The following DNER variants were observed in gnomAD, a reference collection of about 807,000 sequenced individuals.
The protein encoded by DNER is delta/notch like EGF repeat containing.
In DNER, 33 loss-of-function variants were observed where a neutral mutation model predicts 78.2. That is an observed-to-expected ratio of 0.42 (90% CI 0.32 to 0.56). The LOEUF is 0.56. Among genes scored for constraint, DNER ranks in the 20% least tolerant of loss-of-function variants. The pLI is 0.11. For missense variants in DNER, 918 were observed against 975.3 expected, an observed-to-expected ratio of 0.94 and a Z score of 0.78; for synonymous variants, 417 against 384.8, an observed-to-expected ratio of 1.08 and a Z score of -0.98.
chr2:229,713,566 C>A (rs1699941777), intron 1 of DNER, among the ~76,000 whole-genome samples: 1 of 152,236 alleles, frequency 6.6e-6, no homozygotes, highest in South Asian at 2.1e-4. Context: ...GAGGGCTGGT[C>A]GCAGGCCGAG....
intron 1 of DNER, among the ~76,000 whole-genome samples, chr2:229,610,611 G>T (rs946198131): frequency 1.3e-5 from 2 of 149,796 alleles, no homozygotes; most frequent in East Asian, 2.0e-4. Flanking sequence ...CGGTCCTTTC[G>T]TGATACTTAG....
chr2:229,504,274 C>T (rs1380979030), intron 6 of DNER, among the ~76,000 whole-genome samples: 1 of 151,896 alleles, frequency 6.6e-6, no homozygotes, highest in Admixed American at 6.6e-5. Context: ...GGCTGGAGTG[C>T]AGTGGTGTGA....
intron 1 of DNER, among the ~76,000 whole-genome samples, chr2:229,672,706 T>C (rs986081609): frequency 1.3e-5 from 2 of 151,940 alleles, no homozygotes; most frequent in Non-Finnish European, 2.9e-5. Context: ...GAAAGCTACA[T>C]CACCTCTTCC....
chr2:229,604,882 A>G (rs1268910930), intron 1 of DNER, among the ~76,000 whole-genome samples: 1 of 152,118 alleles, frequency 6.6e-6, no homozygotes, highest in South Asian at 2.1e-4. Context: ...AAGGAAAATG[A>G]GGAAAAATTC....
intron 10 of DNER, among the ~76,000 whole-genome samples, chr2:229,405,762 C>G (rs1280081454): frequency 6.6e-6 from 1 of 152,104 alleles, no homozygotes; most frequent in Non-Finnish European, 1.5e-5. Flanking sequence ...CAGAATGTAT[C>G]AAAATCTTAA....
At chr2:229,363,264 G>A (rs1000512451) in intron 12 of DNER, among the ~76,000 whole-genome samples, 6 of 152,222 alleles carry the variant, frequency 3.9e-5, no homozygotes, top group Admixed American at 2.0e-4. Flanking sequence ...TCAGTCACTC[G>A]TGTGACCCAC....
chr2:229,407,226 A>G lies in DNER; in HGVS notation c.1723+6T>C. ...ATTTGAAAACTCAGTCCCTGGAATC[A>G]CTTGCCTGTAAACCCGGGTGCACAG... is the stretch of plus-strand genomic sequence containing the variant. On this transcript the variant is annotated splice_donor_region_variant and intron_variant, in intron 10 of 12. Transcript: ENST00000341772. The G allele has an allele frequency of 6.3e-7, 1 of 1,598,404 alleles. No individual in the cohort carries two copies. Among genetic ancestry groups the G allele is most frequent in the Non-Finnish European group, 8.6e-7 (1 of 1,167,314 alleles).
chr2:229,498,371 T>C (rs1409964011), intron 6 of DNER, among the ~76,000 whole-genome samples: 2 of 152,086 alleles, frequency 1.3e-5, no homozygotes, highest in Non-Finnish European at 2.9e-5. Context: ...CAGGAATGAG[T>C]GGCCCACTCT....
At chr2:229,711,665 T>G (rs1265602137) in intron 1 of DNER, among the ~76,000 whole-genome samples, 1 of 152,260 alleles carries the variant, frequency 6.6e-6, no homozygotes. Context: ...CTAACACTAT[T>G]GTCTTTGGAG....
At chr2:229,594,681 G>A (rs1697674335) in intron 1 of DNER, among the ~76,000 whole-genome samples, 1 of 151,964 alleles carries the variant, frequency 6.6e-6, no homozygotes, top group Admixed American at 6.6e-5. Flanking sequence ...CATGTCTTCT[G>A]ATTTTCAGCC....
rs1437202821 is a variant in DNER, at chr2:229,586,537, AAAAAAAAAAAAAAC to A, written c.681-527_681-514del. 2.9e-3 allele frequency among the ~76,000 whole-genome samples: 278 copies of A among 94,610 alleles called. 26 individuals are homozygous for A. Among genetic ancestry groups the A allele is most frequent in the African/African-American group, 0.013 (263 of 20,356 alleles). 62.1% of individuals were successfully genotyped at this position (94,610 alleles called of 152,430 possible). Reference sequence around the variant, plus strand: ...AAAAAAAAAAAAAAAAAAAAAAAAAAAAAAAAAAAAAAACACACAAAACCACCCCACAGAGAATA... The same window carrying A: ...AAAAAAAAAAAAAAAAAAAAAAAAAAACACAAAACCACCCCACAGAGAATA... On this transcript the variant is annotated intron_variant, in intron 3 of 12. Transcript: ENST00000341772.
At chr2:229,465,766 C>T (rs2154210989) in intron 7 of DNER, among the ~76,000 whole-genome samples, 1 of 152,140 alleles carries the variant, frequency 6.6e-6, no homozygotes, top group African/African-American at 2.4e-5. Context: ...CCAGACAACA[C>T]CTTGGATGAG....
rs1314231440 is a variant in DNER at position 229,702,912 on chromosome 2, G to A, written c.276+11236C>T. ...AGCCTGGGGGACACAGCGAGACTCC[G>A]CCTCAAAAAAAAAAAAAAAAAAAAG... On this transcript the variant is annotated intron_variant, in intron 1 of 12. Transcript: ENST00000341772. Among the ~76,000 whole-genome samples, 5 of 59,236 alleles carry A rather than the reference G, an allele frequency of 8.4e-5. No homozygotes were observed. The East Asian group carries it at 1.8e-3, about 21-fold the overall frequency. The allele number at this position is 59,236 out of a possible 152,430, so 38.9% of individuals were successfully genotyped here.
intron 5 of DNER, among the ~76,000 whole-genome samples, chr2:229,526,471 T>A (rs1696210892): frequency 6.6e-6 from 1 of 152,134 alleles, no homozygotes; most frequent in South Asian, 2.1e-4. Context: ...TCCCCAACCT[T>A]TTTGGCACCA....
chr2:229,663,431 T>A (rs1244076521), intron 1 of DNER, among the ~76,000 whole-genome samples: 1 of 152,182 alleles, frequency 6.6e-6, no homozygotes, highest in Admixed American at 6.5e-5. Context: ...ACCAAAGACA[T>A]CATTTATCCA....
rs1346631342 is a variant in DNER at position 229,418,199 on chromosome 2, A to G, written c.1518T>C (p.Tyr506=). 3.7e-6 allele frequency: 6 copies of G among 1,614,010 alleles called. No individual in the cohort carries two copies. The South Asian group carries it at 5.5e-5, about 15-fold the overall frequency. ...GYHGLYCEEE[Y]NECLSAPCLN... is the part of the protein sequence containing the mutation. Reference sequence around the variant, plus strand: ...GGCATGGAGCGGAGAGGCACTCATTATATTCCTCCTCACAGTAGAGGCCAT... The same window carrying G: ...GGCATGGAGCGGAGAGGCACTCATTGTATTCCTCCTCACAGTAGAGGCCAT... Residue 506 remains tyrosine, a synonymous_variant, in exon 9 of 13, where the codon TAT becomes TAC. Transcript: ENST00000341772.
chr2:229,710,790 T>C (rs939848953), intron 1 of DNER, among the ~76,000 whole-genome samples: 2 of 152,062 alleles, frequency 1.3e-5, no homozygotes, highest in African/African-American at 4.8e-5. Context: ...TCGATCTAGT[T>C]AAGGTAATGA....
At chr2:229,531,275 G>A (rs564662933) in intron 5 of DNER, among the ~76,000 whole-genome samples, 4 of 152,296 alleles carry the variant, frequency 2.6e-5, no homozygotes, top group South Asian at 4.1e-4. Context: ...GAAGTGACGT[G>A]CACCATTGTT....
At chr2:229,509,704 C>G (rs1695824786) in intron 6 of DNER, among the ~76,000 whole-genome samples, 1 of 152,112 alleles carries the variant, frequency 6.6e-6, no homozygotes, top group Non-Finnish European at 1.5e-5. Flanking sequence ...ATCCCTGCTA[C>G]TTAGGAGGGC....
Sources: gnomAD v4.1 joint callset for allele counts (sites outside exome capture counted in the v4.1 genomes callset) on GRCh38, gnomAD v4.1.1 for gene constraint, MANE v1.5 for transcripts, NCBI Gene and HGNC (gene_info 2026-07-23, HGNC 2026-07-21) for gene names.